The following ZNF804A variants were observed in gnomAD, a reference collection of about 807,000 sequenced individuals.
ZNF804A encodes zinc finger protein 804A.
ZNF804A carries 2 observed loss-of-function variants against 16.5 expected under a neutral mutation model. That is an observed-to-expected ratio of 0.12 (90% confidence interval 0.05 to 0.38). The LOEUF is 0.38. ZNF804A is among the 10% of genes least tolerant of loss of function. ZNF804A has a pLI of 0.99. For synonymous variants in ZNF804A, 534 were observed against 489.6 expected (o/e 1.09, Z -1.20); for missense variants, 1,473 against 1,390.7 (o/e 1.06, Z -0.94).
At chr2:184,695,522 C>G (rs895207386) in intron 1 of ZNF804A, among the ~76,000 whole-genome samples, 1 of 129,134 alleles carries the variant, frequency 7.7e-6, no homozygotes, top group Non-Finnish European at 1.6e-5. Flanking sequence ...TTTTAAGAGA[C>G]AGGGTCTCAC....
intron 2 of ZNF804A, among the ~76,000 whole-genome samples, chr2:184,930,920 T>C (rs1365823345): frequency 6.6e-6 from 1 of 152,194 alleles, no homozygotes; most frequent in Non-Finnish European, 1.5e-5. Context: ...GGGAAATTTA[T>C]AAAGTAAAGA....
chr2:184,862,235 C>A (rs1574246219), intron 1 of ZNF804A, among the ~76,000 whole-genome samples: 1 of 152,054 alleles, frequency 6.6e-6, no homozygotes, highest in East Asian at 1.9e-4. Context: ...TCAGTCAGTA[C>A]CTGTTTCAAT....
At chr2:184,888,670 T>C (rs1004820463) in intron 2 of ZNF804A, among the ~76,000 whole-genome samples, 3 of 152,118 alleles carry the variant, frequency 2.0e-5, no homozygotes, top group African/African-American at 7.2e-5. Context: ...AAATGCTGCC[T>C]AGAAAAAGAG....
At chr2:184,920,339 G>A (rs1367685015) in intron 2 of ZNF804A, among the ~76,000 whole-genome samples, 2 of 152,130 alleles carry the variant, frequency 1.3e-5, no homozygotes, top group African/African-American at 4.8e-5. Flanking sequence ...ATGAGCAGTG[G>A]TCAGAACAAA....
chr2:184,815,856 A>G (rs1237438283), intron 1 of ZNF804A, among the ~76,000 whole-genome samples: 2 of 151,996 alleles, frequency 1.3e-5, no homozygotes, highest in Non-Finnish European at 1.5e-5. Context: ...GAGTGCATGT[A>G]AAAAAAGGCC....
chr2:184,731,957 A>G (rs1214347048), intron 1 of ZNF804A, among the ~76,000 whole-genome samples: 1 of 152,156 alleles, frequency 6.6e-6, no homozygotes, highest in African/African-American at 2.4e-5. Flanking sequence ...ATAACAGGCC[A>G]TTATCAGAGA....
intron 1 of ZNF804A, among the ~76,000 whole-genome samples, chr2:184,855,072 A>C (rs1314843970): frequency 6.6e-6 from 1 of 152,050 alleles, no homozygotes; most frequent in African/African-American, 2.4e-5. Context: ...TAATAAACCA[A>C]ATCTATAACG....
chr2:184,867,226 A>G (rs150004366), intron 2 of ZNF804A, among the ~76,000 whole-genome samples: 1 of 152,120 alleles, frequency 6.6e-6, no homozygotes, highest in Non-Finnish European at 1.5e-5. Flanking sequence ...ATATTTACCA[A>G]TGCAACTTCA....
intron 1 of ZNF804A, among the ~76,000 whole-genome samples, chr2:184,831,552 C>G (rs1269300689): frequency 6.6e-6 from 1 of 151,908 alleles, no homozygotes; most frequent in African/African-American, 2.4e-5. Flanking sequence ...CTTGAGAACA[C>G]CTTGGAAATT....
At chr2:184,816,438 A>C (rs1482777836) in intron 1 of ZNF804A, among the ~76,000 whole-genome samples, 1 of 152,042 alleles carries the variant, frequency 6.6e-6, no homozygotes, top group Non-Finnish European at 1.5e-5. Context: ...GATTTAAAGA[A>C]AGTAGTTTCT....
In ZNF804A at chr2:184,882,884, T is replaced by A. The variant is rs532926134; in HGVS notation, c.255+16372T>A. ...TGTCACAACTAAAGGAACTAGAGGATCAAGAGCAAATCAACCACAAAGCTA... is the reference window on the plus strand; with the variant it reads ...TGTCACAACTAAAGGAACTAGAGGAACAAGAGCAAATCAACCACAAAGCTA... On this transcript the variant is annotated intron_variant, in intron 2 of 3. Transcript: ENST00000302277. 3.7e-4 allele frequency among the ~76,000 whole-genome samples: 56 copies of A among 151,718 alleles called. 2 individuals carry two copies. In the South Asian group the frequency reaches 0.012, roughly 32 times the overall value.
intron 1 of ZNF804A, among the ~76,000 whole-genome samples, chr2:184,743,802 C>T (rs1235222933): frequency 6.6e-6 from 1 of 151,792 alleles, no homozygotes; most frequent in African/African-American, 2.4e-5. Flanking sequence ...TAATTTATAA[C>T]AGAATAAACT....
chr2:184,604,847 A>G (rs74877213), intron 1 of ZNF804A, among the ~76,000 whole-genome samples: 2,699 of 152,222 alleles, frequency 0.018, 57 homozygotes, highest in African/African-American at 0.061. Flanking sequence ...CTGAATTAAC[A>G]GTATTCTCCA....
intron 1 of ZNF804A, among the ~76,000 whole-genome samples, chr2:184,826,213 A>C (rs980478061): frequency 6.6e-6 from 1 of 152,068 alleles, no homozygotes; most frequent in African/African-American, 2.4e-5. Flanking sequence ...ATGGAATGTG[A>C]CATTTTCTAT....
intron 1 of ZNF804A, among the ~76,000 whole-genome samples, chr2:184,689,573 C>G (rs1404544032): frequency 6.6e-6 from 1 of 151,936 alleles, no homozygotes; most frequent in Non-Finnish European, 1.5e-5. Flanking sequence ...AATTTTAGGT[C>G]TGGTCATAAA....
At chr2:184,866,824 G>A (rs1240318756) in intron 2 of ZNF804A, among the ~76,000 whole-genome samples, 1 of 150,250 alleles carries the variant, frequency 6.7e-6, no homozygotes, top group Non-Finnish European at 1.5e-5. Context: ...GTCCTCAAAT[G>A]TATTGTTTTA....
chr2:184,939,256 T>TA lies in ZNF804A; in HGVS notation c.*230_*231insA. Reference sequence around the variant, plus strand: ...ATAGTTTGAAAATCAATACAATATATGCTATATATTAAAATGATGTCTTAA... The same window carrying TA: ...ATAGTTTGAAAATCAATACAATATATAGCTATATATTAAAATGATGTCTTAA... On this transcript the variant is annotated 3_prime_UTR_variant, in exon 4 of 4. Transcript: ENST00000302277. The TA allele has an allele frequency of 6.6e-6, 3 of 457,758 alleles. No individual in the cohort carries two copies. Among genetic ancestry groups the TA allele is most frequent in the Non-Finnish European group, 1.2e-5 (3 of 259,138 alleles). The allele number at this position is 457,758 out of a possible 1,614,324, so 28.4% of individuals were successfully genotyped here. A position where few individuals can be genotyped will look rare whatever the true frequency, so the allele number is the denominator to read the frequency against.
chr2:184,804,634 T>C (rs1008885451), intron 1 of ZNF804A, among the ~76,000 whole-genome samples: 1 of 152,132 alleles, frequency 6.6e-6, no homozygotes. Flanking sequence ...TAAACAGCTA[T>C]AAAATTGGAA....
intron 1 of ZNF804A, among the ~76,000 whole-genome samples, chr2:184,689,312 C>T (rs569449086): frequency 6.6e-6 from 1 of 152,040 alleles, no homozygotes. Context: ...TCAAGTAACA[C>T]TGATGAAAAA....
Sources: allele counts gnomAD v4.1 joint callset (sites outside exome capture counted in the v4.1 genomes callset), GRCh38; gene constraint gnomAD v4.1.1; transcripts MANE v1.5; gene names NCBI Gene and HGNC (gene_info 2026-07-23, HGNC 2026-07-21).